DCP1A: variants seen among roughly 807,000 people sequenced by gnomAD.
DCP1A encodes decapping mRNA 1A, also known as mRNA-decapping enzyme 1A.
In DCP1A, 20 loss-of-function variants were observed where a neutral mutation model predicts 58.0. The observed-to-expected ratio is 0.34, with a 90% confidence interval of 0.24 to 0.50. DCP1A has a LOEUF of 0.50. Among genes scored for constraint, DCP1A ranks in the 20% least tolerant of loss-of-function variants. The pLI is 0.98. For missense variants in DCP1A, 613 were observed against 712.2 expected (o/e 0.86, Z 1.59); for synonymous variants, 285 against 275.1 (o/e 1.04, Z -0.36).
At chr3:53,332,250 A>G (rs1387779663) in intron 3 of DCP1A, among the ~76,000 whole-genome samples, 2 of 152,178 alleles carry the variant, frequency 1.3e-5, no homozygotes, top group South Asian at 2.1e-4. Context: ...TCCTCTCAGC[A>G]TTTTCTTTAG....
intron 3 of DCP1A, chr3:53,329,592 A>G: frequency 2.6e-6 from 1 of 383,802 alleles, no homozygotes; most frequent in Non-Finnish European, 4.6e-6. Context: ...AGAAAATTTC[A>G]GATCAGATTT....
rs1281942885 is a variant in DCP1A at position 53,341,064 on chromosome 3, G to GA, written c.304+1079dup. ...AGACACTCAATTAAATAAACAGATA[G>GA]AAAAACCTTACTTAGAAACATATTC... On this transcript the variant is annotated intron_variant, in intron 3 of 9. Coordinates refer to ENST00000610213, the MANE Select transcript of DCP1A (RefSeq NM_018403.7). Among the ~76,000 whole-genome samples the GA allele has an allele frequency of 4.6e-5, 7 of 151,446 alleles. 1 individual carries two copies. The highest frequency in any genetic ancestry group is 1.7e-4 in the African/African-American group (7 of 41,158).
At chr3:53,331,912 C>T (rs1553691324) in intron 3 of DCP1A, among the ~76,000 whole-genome samples, 1 of 152,224 alleles carries the variant, frequency 6.6e-6, no homozygotes, top group Non-Finnish European at 1.5e-5. Context: ...AGGTGTGCTG[C>T]TTGTAGCAGG....
Position 53,314,667 on chromosome 3 carries a change from C to CTTTT in DCP1A, c.372-2292_372-2289dup, listed in dbSNP as rs1167830951. Among the ~76,000 whole-genome samples the CTTTT allele has an allele frequency of 2.1e-3, 183 of 86,696 alleles. 5 individuals are homozygous for CTTTT. The highest frequency in any genetic ancestry group is 2.5e-3 in the Non-Finnish European group (118 of 46,790). The allele number at this position is 86,696 out of a possible 152,430, so 56.9% of individuals were successfully genotyped here. A position where few individuals can be genotyped will look rare whatever the true frequency, so the allele number is the denominator to read the frequency against. On this transcript the variant is annotated intron_variant, in intron 4 of 9. Coordinates refer to ENST00000610213, the MANE Select transcript of DCP1A (RefSeq NM_018403.7). ...AGAGAAGAATATTTCTTTTCTTTTTCTTTTTTTTTTTTTTTTTTTTTTGAG... is the reference window on the plus strand; with the variant it reads ...AGAGAAGAATATTTCTTTTCTTTTTCTTTTTTTTTTTTTTTTTTTTTTTTTTGAG...
intron 3 of DCP1A, among the ~76,000 whole-genome samples, chr3:53,334,056 G>A (rs1553691641): frequency 6.6e-6 from 1 of 152,124 alleles, no homozygotes; most frequent in Non-Finnish European, 1.5e-5. Flanking sequence ...GAGCCCAGGA[G>A]TTTGAGACCA....
intron 2 of DCP1A, 37 bp from the exon 3 acceptor site, chr3:53,342,308 C>T (rs1553692622): frequency 6.9e-7 from 1 of 1,449,542 alleles, no homozygotes; most frequent in Non-Finnish European, 9.5e-7. Flanking sequence ...TATGTAGTTA[C>T]CATTTAATCT....
At chr3:53,347,159 T>C (rs1242146334) in intron 1 of DCP1A, among the ~76,000 whole-genome samples, 1 of 152,138 alleles carries the variant, frequency 6.6e-6, no homozygotes, top group Non-Finnish European at 1.5e-5. Context: ...TCCCCTCCAC[T>C]GGCTTTTCCT....
At chr3:53,306,307 CATCACT>C (rs1553688049) in intron 5 of DCP1A, among the ~76,000 whole-genome samples, 1 of 152,228 alleles carries the variant, frequency 6.6e-6, no homozygotes, top group East Asian at 1.9e-4. Flanking sequence ...CTGTTTGCAA[CATCACT>C]ATCAACCATA....
chr3:53,336,662 T>A (rs2089120870), intron 3 of DCP1A, among the ~76,000 whole-genome samples: 1 of 152,160 alleles, frequency 6.6e-6, no homozygotes, highest in East Asian at 1.9e-4. Flanking sequence ...CCAGAAGGGA[T>A]CTACATTTGC....
At chr3:53,303,678 G>C (rs1207486484) in intron 6 of DCP1A, among the ~76,000 whole-genome samples, 4 of 152,194 alleles carry the variant, frequency 2.6e-5, no homozygotes, top group African/African-American at 9.6e-5. Flanking sequence ...TACAGGCCAA[G>C]GGAACAAGTG....
chr3:53,342,230 A>C lies in DCP1A; in HGVS notation c.218T>G (p.Leu73Arg), dbSNP rs2089218335. 6.2e-7 allele frequency: 1 copy of C among 1,603,990 alleles called. No homozygotes were observed. The highest frequency in any genetic ancestry group is 1.3e-5 in the African/African-American group (1 of 74,796). ...PYHGFTIVNR[L>R]NMHNLVEPVN... ...TGGTTCAACTAGATTGTGCATATTT[A>C]GTCGATTCACAATGGTAAAACCATG... Residue 73 changes from leucine to arginine, a missense_variant, in exon 3 of 10, where the codon CTA (leucine) becomes CGA (arginine). Physicochemically the swap from Leu to Arg is moderately radical, Grantham distance 102. Transcript: ENST00000610213.
At chr3:53,321,338 T>C (rs1553689921) in intron 3 of DCP1A, among the ~76,000 whole-genome samples, 1 of 152,218 alleles carries the variant, frequency 6.6e-6, no homozygotes, top group Non-Finnish European at 1.5e-5. Context: ...TCATTTTGCA[T>C]TTTTATGGAT....
chr3:53,304,199 A>G lies in DCP1A; in HGVS notation c.602T>C (p.Met201Thr), dbSNP rs1553687698. The change falls in exon 6 of 10, where the codon ATG becomes ACG. Residue 201 changes from methionine (M) to threonine (T), a missense_variant. By Grantham distance (81) the Met-to-Thr change is moderately conservative (BLOSUM62 -1). This residue lies in a region of DCP1A where 498 missense variants were observed against 556.7 expected (regional missense o/e 0.89). Transcript: ENST00000610213. ...AACCTTATCCTGTGACCCGGAGGGC[A>G]TTTCTTCTAGAGTCTCGGTGCTTCC... is the stretch of plus-strand genomic sequence containing the variant. ...NLGSTETLEE[M>T]PSGSQDKSAP... The G allele has an allele frequency of 6.2e-7, 1 of 1,613,284 alleles. No individual in the cohort carries two copies. Among genetic ancestry groups the G allele is most frequent in the Admixed American group, 1.7e-5 (1 of 59,938 alleles).
At chr3:53,298,344 G>A (rs1317607561) in intron 6 of DCP1A, among the ~76,000 whole-genome samples, 5 of 152,192 alleles carry the variant, frequency 3.3e-5, no homozygotes, top group Admixed American at 2.6e-4. Context: ...ACTACTGCGA[G>A]GCCAGACAGA....
chr3:53,320,691 G>C (rs1349594695), intron 3 of DCP1A, among the ~76,000 whole-genome samples: 4 of 152,110 alleles, frequency 2.6e-5, no homozygotes, highest in African/African-American at 7.2e-5. Context: ...TCACAGCCAG[G>C]ATACTGACAT....
At chr3:53,315,431 G>A (rs1022002806) in intron 4 of DCP1A, among the ~76,000 whole-genome samples, 9 of 151,224 alleles carry the variant, frequency 6.0e-5, no homozygotes, top group East Asian at 2.0e-4. Context: ...CCAGCTACTC[G>A]GGAGGCTGAG....
intron 2 of DCP1A, among the ~76,000 whole-genome samples, chr3:53,342,604 G>T (rs534072809): frequency 6.6e-6 from 1 of 152,222 alleles, no homozygotes; most frequent in African/African-American, 2.4e-5. Context: ...CACTCTCTCT[G>T]CGTGTGTGCT....
chr3:53,312,249 A>T lies in DCP1A; in HGVS notation c.502T>A (p.Tyr168Asn). 6.2e-7 allele frequency: 1 copy of T among 1,603,156 alleles called. No homozygotes were observed. Among genetic ancestry groups the T allele is most frequent in the Non-Finnish European group, 8.5e-7 (1 of 1,175,368 alleles). The change falls in exon 5 of 10, where the codon TAT (tyrosine) becomes AAT (asparagine). Residue 168 changes from tyrosine (Y) to asparagine (N), a missense_variant. This residue lies in a region of DCP1A where 498 missense variants were observed against 556.7 expected (regional missense o/e 0.89). Coordinates refer to ENST00000610213, the MANE Select transcript of DCP1A (RefSeq NM_018403.7). ...LEMLSRAKDE[Y>N]ERNQMGDSNI... ...TACCCAGAGAGCCTCACCCTCTCAT[A>T]CTCATCCTTGGCTCTGCTCAGCATC...
At chr3:53,339,809 T>G (rs1458415979) in intron 3 of DCP1A, among the ~76,000 whole-genome samples, 1 of 152,162 alleles carries the variant, frequency 6.6e-6, no homozygotes, top group Non-Finnish European at 1.5e-5. Context: ...ACTTTAATAA[T>G]CAAACCACTT....
Sources: allele counts gnomAD v4.1 joint callset (sites outside exome capture counted in the v4.1 genomes callset), GRCh38; gene constraint gnomAD v4.1.1; regional missense constraint gnomAD v4.1.1; transcripts MANE v1.5; gene names NCBI Gene and HGNC (gene_info 2026-07-23, HGNC 2026-07-21).